GRID1: variants seen among roughly 807,000 people sequenced by gnomAD.
GRID1 encodes glutamate receptor ionotropic, delta-1.
In GRID1, 28 loss-of-function variants were observed where a neutral mutation model predicts 98.0. That is an observed-to-expected ratio of 0.29 (90% CI 0.21 to 0.39). The LOEUF (loss-of-function observed/expected upper bound fraction) is 0.39. Ranked by LOEUF, GRID1 falls within the 10% of genes least tolerant of loss-of-function variation. The probability of loss-of-function intolerance (pLI) is 1.00; values close to 1 mark genes in which losing one functional copy is unlikely to be tolerated. For missense variants in GRID1, 1,111 were observed against 1,340.5 expected (o/e 0.83, Z 2.67); for synonymous variants, 553 against 538.5 (o/e 1.03, Z -0.37).
At chr10:85,868,986 G>A in intron 6 of GRID1, 24 bp downstream of exon 6, 1 of 1,607,106 alleles carries the variant, frequency 6.2e-7, no homozygotes, top group Non-Finnish European at 8.5e-7. Flanking sequence ...GGAGGGGACT[G>A]GAGAGAAGAG....
intron 12 of GRID1, among the ~76,000 whole-genome samples, chr10:85,719,340 T>C (rs1841674456): frequency 6.6e-6 from 1 of 152,246 alleles, no homozygotes; most frequent in South Asian, 2.1e-4. Flanking sequence ...TTTTTGGGTA[T>C]CTTTTCAGCA....
chr10:85,872,082 C>T (rs1843283705), intron 5 of GRID1, among the ~76,000 whole-genome samples: 1 of 152,182 alleles, frequency 6.6e-6, no homozygotes, highest in Non-Finnish European at 1.5e-5. Flanking sequence ...GAGGGCACAG[C>T]TGAGCCTGGA....
chr10:85,645,280 A>T (rs1446423787), intron 13 of GRID1, among the ~76,000 whole-genome samples: 1 of 152,142 alleles, frequency 6.6e-6, no homozygotes, highest in Admixed American at 6.5e-5. Context: ...CGCGAAGGCC[A>T]TTTGGCCCAG....
At chr10:86,070,135 T>A (rs1843782501) in intron 4 of GRID1, among the ~76,000 whole-genome samples, 1 of 152,230 alleles carries the variant, frequency 6.6e-6, no homozygotes, top group African/African-American at 2.4e-5. Flanking sequence ...TTATGCTTCC[T>A]GCATCTCATG....
chr10:86,124,276 GC>G (rs1395529232), intron 4 of GRID1, among the ~76,000 whole-genome samples: 2 of 152,098 alleles, frequency 1.3e-5, no homozygotes, highest in African/African-American at 4.8e-5. Flanking sequence ...AGGCCTGAAA[GC>G]CCCCAGTGCT....
chr10:85,706,821 G>A (rs1306777138), intron 12 of GRID1, among the ~76,000 whole-genome samples: 1 of 152,048 alleles, frequency 6.6e-6, no homozygotes, highest in East Asian at 1.9e-4. Context: ...ATCTACAACT[G>A]TCTGATCTTT....
At chr10:86,183,167 G>A (rs979667947) in intron 3 of GRID1, among the ~76,000 whole-genome samples, 8 of 152,040 alleles carry the variant, frequency 5.3e-5, no homozygotes, top group African/African-American at 1.9e-4. Flanking sequence ...ATCTGTCACT[G>A]TAGATTAGTT....
chr10:85,674,848 A>G (rs999135940), intron 12 of GRID1, among the ~76,000 whole-genome samples: 1 of 152,174 alleles, frequency 6.6e-6, no homozygotes, highest in African/African-American at 2.4e-5. Context: ...AAGACTCACT[A>G]TGTCCTTTAT....
At chr10:86,124,898 T>A (rs1844730152) in intron 4 of GRID1, among the ~76,000 whole-genome samples, 1 of 152,156 alleles carries the variant, frequency 6.6e-6, no homozygotes, top group African/African-American at 2.4e-5. Context: ...CTGGGTGTGA[T>A]ATGGGGAACT....
intron 8 of GRID1, among the ~76,000 whole-genome samples, chr10:85,772,099 G>T (rs1391705696): frequency 6.6e-6 from 1 of 152,146 alleles, no homozygotes; most frequent in African/African-American, 2.4e-5. Context: ...AAATGTAAAA[G>T]ATAAGAAATC....
At chr10:85,992,363 G>A (rs1220313441) in intron 4 of GRID1, among the ~76,000 whole-genome samples, 1 of 152,176 alleles carries the variant, frequency 6.6e-6, no homozygotes, top group Non-Finnish European at 1.5e-5. Flanking sequence ...TGGGAGTTTT[G>A]CCTGGTGAAT....
intron 4 of GRID1, among the ~76,000 whole-genome samples, chr10:86,070,924 G>A (rs1419720682): frequency 6.6e-6 from 1 of 152,112 alleles, no homozygotes; most frequent in Non-Finnish European, 1.5e-5. Context: ...CTCCCTGCAA[G>A]CCACTGAAAA....
intron 2 of GRID1, among the ~76,000 whole-genome samples, chr10:86,231,837 A>G (rs1046880979): frequency 6.6e-6 from 1 of 152,166 alleles, no homozygotes; most frequent in Admixed American, 6.5e-5. Flanking sequence ...AGTAACATGC[A>G]TTTAACTGTC....
chr10:85,865,196 T>C (rs1245012791), intron 6 of GRID1, among the ~76,000 whole-genome samples: 1 of 152,210 alleles, frequency 6.6e-6, no homozygotes, highest in East Asian at 1.9e-4. Context: ...AAGACAGTGC[T>C]TTGTGGGGAA....
intron 2 of GRID1, among the ~76,000 whole-genome samples, chr10:86,326,907 G>A (rs767764604): frequency 1.2e-4 from 18 of 152,202 alleles, no homozygotes; most frequent in Non-Finnish European, 2.4e-4. Flanking sequence ...AGGCCGAGGC[G>A]GGTGGATGAC....
At chr10:85,645,527 C>G (rs1843176130) in intron 13 of GRID1, 1 of 152,186 alleles carries the variant, frequency 6.6e-6, no homozygotes, top group Non-Finnish European at 1.5e-5. Flanking sequence ...TTTGTTAAAT[C>G]TAAACATTCA....
At chr10:85,807,551 T>A (rs942580522) in intron 8 of GRID1, among the ~76,000 whole-genome samples, 2 of 151,784 alleles carry the variant, frequency 1.3e-5, no homozygotes, top group African/African-American at 4.8e-5. Flanking sequence ...AGATAAATAT[T>A]CCCGTAGAAA....
chr10:85,755,655 A>T (rs371759115), intron 8 of GRID1, among the ~76,000 whole-genome samples: 1 of 151,702 alleles, frequency 6.6e-6, no homozygotes, highest in Admixed American at 6.6e-5. Flanking sequence ...AGCTGGTACC[A>T]CTCTCACTTC....
chr10:86,100,176 C>A (rs79945447), intron 4 of GRID1, among the ~76,000 whole-genome samples: 15 of 152,280 alleles, frequency 9.9e-5, no homozygotes, highest in African/African-American at 3.4e-4. Context: ...GATCTGGCTT[C>A]AAAGGCTTAT....
Sources: allele counts gnomAD v4.1 joint callset (sites outside exome capture counted in the v4.1 genomes callset), GRCh38; gene constraint gnomAD v4.1.1; transcripts MANE v1.5; gene names NCBI Gene and HGNC (gene_info 2026-07-23, HGNC 2026-07-21).